BRAF: variants seen among roughly 807,000 people sequenced by gnomAD.
BRAF encodes the protein B-Raf proto-oncogene, serine/threonine kinase, also known as serine/threonine-protein kinase B-raf.
A neutral mutation model predicts 104.6 loss-of-function variants in BRAF; 16 were observed. The observed-to-expected ratio is 0.15, with a 90% CI of 0.10 to 0.23. BRAF has a LOEUF of 0.23. Among genes scored for constraint, BRAF ranks in the 10% least tolerant of loss-of-function variants. The probability of loss-of-function intolerance (pLI) is 1.00; values close to 1 mark genes in which losing one functional copy is unlikely to be tolerated. For synonymous variants in BRAF, 310 were observed against 341.6 expected, an observed-to-expected ratio of 0.91 and a Z score of 1.02; for missense variants, 541 against 937.3, an observed-to-expected ratio of 0.58 and a Z score of 5.52.
At chr7:140,907,112 T>C (rs1816410048) in intron 1 of BRAF, among the ~76,000 whole-genome samples, 1 of 152,274 alleles carries the variant, frequency 6.6e-6, no homozygotes, top group African/African-American at 2.4e-5. Context: ...TTTTTTATTC[T>C]GTGCTACACT....
chr7:140,745,653 T>C (rs983835673), intron 17 of BRAF, among the ~76,000 whole-genome samples: 3 of 152,210 alleles, frequency 2.0e-5, no homozygotes, highest in Non-Finnish European at 4.4e-5. Flanking sequence ...CTGGAGCTCA[T>C]GTCTGCTCAT....
At chr7:140,914,957 T>C (rs750477880) in intron 1 of BRAF, among the ~76,000 whole-genome samples, 13 of 24,458 alleles carry the variant, frequency 5.3e-4, no homozygotes, top group Non-Finnish European at 8.3e-4. Flanking sequence ...GGAGAATCAC[T>C]TGAACCCGGG....
chr7:140,781,179 C>T, intron 12 of BRAF: 1 of 234,442 alleles, frequency 4.3e-6, no homozygotes, highest in South Asian at 5.7e-5. Context: ...GATCAGCCAG[C>T]CTCAGCTTCC....
rs1258607375 is a variant in BRAF, at chr7:140,834,294, C to T, written c.504+315G>A. 11 of 503,648 alleles carry T rather than the reference C, an allele frequency of 2.2e-5. No homozygotes were observed. In the South Asian group the frequency reaches 2.5e-4, roughly 11 times the overall value. 31.2% of individuals were successfully genotyped at this position (503,648 alleles called of 1,614,324 possible). ...AGGGTGAAGAATGAGTCTTACCTGA[C>T]ACACATTAGATAATGAACAAGCTCA... On this transcript the variant is annotated intron_variant, in intron 3 of 19. Coordinates refer to ENST00000644969, the MANE Select transcript of BRAF (RefSeq NM_001374258.1).
At chr7:140,818,681 A>G (rs1373129987) in intron 3 of BRAF, among the ~76,000 whole-genome samples, 4 of 152,230 alleles carry the variant, frequency 2.6e-5, no homozygotes, top group Admixed American at 1.3e-4. Flanking sequence ...TCTAAATGCT[A>G]AACCAAAGTC....
intron 10 of BRAF, among the ~76,000 whole-genome samples, chr7:140,784,570 A>G (rs560778610): frequency 4.6e-5 from 7 of 152,376 alleles, no homozygotes; most frequent in African/African-American, 1.4e-4. Flanking sequence ...TTCAGAATAT[A>G]TAACAGATAC....
At chr7:140,878,339 C>G (rs1812492801) in intron 1 of BRAF, among the ~76,000 whole-genome samples, 1 of 151,962 alleles carries the variant, frequency 6.6e-6, no homozygotes, top group Admixed American at 6.6e-5. Context: ...AGGGGTAAAT[C>G]TTAATGACCT....
rs192407847 is a variant in BRAF at position 140,893,423 on chromosome 7, G to T, written c.138+31143C>A. 7.6e-3 allele frequency among the ~76,000 whole-genome samples: 1,162 copies of T among 152,044 alleles called. 18 individuals carry two copies. The highest frequency in any genetic ancestry group is 0.026 in the African/African-American group (1,098 of 41,474). The stretch of plus-strand genomic sequence containing the variant: ...CGCCACCATGCCTGGCTAATTTTTT[G>T]TATTTTCAGTGGAGACGGGGTTTCA... On this transcript the variant is annotated intron_variant, in intron 1 of 19. Coordinates refer to ENST00000644969, the MANE Select transcript of BRAF (RefSeq NM_001374258.1).
At chr7:140,901,780 G>A (rs1345796296) in intron 1 of BRAF, among the ~76,000 whole-genome samples, 1 of 152,126 alleles carries the variant, frequency 6.6e-6, no homozygotes, top group Admixed American at 6.5e-5. Flanking sequence ...TCCCCTAAAA[G>A]CATATTGAAT....
chr7:140,808,153 G>T, intron 4 of BRAF, 91 bp from the exon 5 acceptor site: 1 of 1,005,934 alleles, frequency 9.9e-7, no homozygotes, highest in East Asian at 2.5e-5. Context: ...GGTTATCGAG[G>T]GGCTAGTAAC....
At chr7:140,728,863 TA>T (rs991251377) in intron 19 of BRAF, among the ~76,000 whole-genome samples, 1 of 151,800 alleles carries the variant, frequency 6.6e-6, no homozygotes, top group Non-Finnish European at 1.5e-5. Context: ...ATCTATTAAA[TA>T]AAAAAATCAG....
rs376936601 is a variant in BRAF at position 140,865,008 on chromosome 7, A to G, written c.139-14796T>C. On this transcript the variant is annotated intron_variant, in intron 1 of 19. Coordinates refer to ENST00000644969, the MANE Select transcript of BRAF (RefSeq NM_001374258.1). ...TGACAAGAGCTGCATTTAATTTCTC[A>G]GTAAAGTTTGAAGTGAATTCCACAG... is the stretch of plus-strand genomic sequence containing the variant. Among the ~76,000 whole-genome samples the G allele has an allele frequency of 8.5e-5, 13 of 152,324 alleles. No homozygotes were observed. The East Asian group carries it at 2.5e-3, about 29-fold the overall frequency.
chr7:140,763,279 C>T (rs1222071685), intron 14 of BRAF, among the ~76,000 whole-genome samples: 29 of 145,144 alleles, frequency 2.0e-4, no homozygotes, highest in Middle Eastern at 3.6e-3. Context: ...GCTGGCCGGG[C>T]GGGGGGCTGA....
chr7:140,863,474 T>C (rs909374143), intron 1 of BRAF, among the ~76,000 whole-genome samples: 1 of 152,202 alleles, frequency 6.6e-6, no homozygotes, highest in East Asian at 1.9e-4. Context: ...GCAATGAGAA[T>C]CTAAAGTTTC....
At chr7:140,802,292 C>CTTTTT (rs144953895) in intron 5 of BRAF, among the ~76,000 whole-genome samples, 8 of 103,306 alleles carry the variant, frequency 7.7e-5, no homozygotes, top group East Asian at 2.7e-4. Flanking sequence ...ATGTTTGTGT[C>CTTTTT]TTTTTTTTTT....
rs537545677 is a variant in BRAF at position 140,724,245 on chromosome 7, A to G, written c.*2249T>C. 1.6e-4 allele frequency: 173 copies of G among 1,059,198 alleles called. 1 individual carries two copies. The South Asian group carries it at 6.7e-3, about 41-fold the overall frequency. 65.6% of individuals were successfully genotyped at this position (1,059,198 alleles called of 1,614,324 possible). On this transcript the variant is annotated 3_prime_UTR_variant, in exon 20 of 20. Transcript: ENST00000644969. Reference sequence around the variant, plus strand: ...AGGCAGTCCCGGACCCAGGCTGCACATGTTCTACCTCCTCAGCAGGACATG... The same window carrying G: ...AGGCAGTCCCGGACCCAGGCTGCACGTGTTCTACCTCCTCAGCAGGACATG...
intron 2 of BRAF, among the ~76,000 whole-genome samples, chr7:140,841,802 G>A (rs534469850): frequency 2.0e-4 from 31 of 151,908 alleles, no homozygotes; most frequent in Non-Finnish European, 3.8e-4. Context: ...AGATAGTGGT[G>A]AATATAGTAA....
chr7:140,891,338 C>T (rs1254164910), intron 1 of BRAF, among the ~76,000 whole-genome samples: 2 of 152,144 alleles, frequency 1.3e-5, no homozygotes, highest in African/African-American at 4.8e-5. Flanking sequence ...CCCTACAACA[C>T]CATGATCCTT....
intron 1 of BRAF, among the ~76,000 whole-genome samples, chr7:140,900,276 C>T (rs1337502772): frequency 6.6e-6 from 1 of 152,138 alleles, no homozygotes; most frequent in African/African-American, 2.4e-5. Context: ...TCAAATTTGT[C>T]CATTTTTTAT....
Sources: gnomAD v4.1 joint callset for allele counts (sites outside exome capture counted in the v4.1 genomes callset) on GRCh38, gnomAD v4.1.1 for gene constraint, MANE v1.5 for transcripts, NCBI Gene and HGNC (gene_info 2026-07-23, HGNC 2026-07-21) for gene names.